The following FNBP1L variants were observed in gnomAD, a reference collection of about 807,000 sequenced individuals.
FNBP1L encodes the protein formin-binding protein 1-like.
FNBP1L carries 36 observed loss-of-function variants against 91.2 expected under a neutral mutation model. The observed-to-expected ratio is 0.39, with a 90% CI of 0.30 to 0.52. FNBP1L has a LOEUF of 0.52. Ranked by LOEUF, FNBP1L falls within the 20% of genes least tolerant of loss-of-function variation. The probability of loss-of-function intolerance (pLI) is 0.66; values close to 1 mark genes in which losing one functional copy is unlikely to be tolerated. For synonymous variants in FNBP1L, 242 were observed against 237.0 expected, an observed-to-expected ratio of 1.02 and a Z score of -0.19; for missense variants, 571 against 732.1, an observed-to-expected ratio of 0.78 and a Z score of 2.54.
At chr1:93,485,722 A>C (rs1028174151) in intron 1 of FNBP1L, among the ~76,000 whole-genome samples, 3 of 152,002 alleles carry the variant, frequency 2.0e-5, no homozygotes, top group African/African-American at 7.3e-5. Flanking sequence ...TTTGAAGTGG[A>C]GTCTCTCTCT....
intron 4 of FNBP1L, 21 bp from the exon 5 acceptor site, chr1:93,524,239 TG>T: frequency 6.9e-7 from 1 of 1,446,416 alleles, no homozygotes; most frequent in Non-Finnish European, 9.1e-7. Flanking sequence ...TTATTTTTTT[TG>T]GCCGTGGTTA....
chr1:93,521,376 T>C (rs989323685), intron 2 of FNBP1L, among the ~76,000 whole-genome samples: 5 of 152,166 alleles, frequency 3.3e-5, no homozygotes, highest in Non-Finnish European at 5.9e-5. Context: ...CATTTTACCT[T>C]AGTATTAAAG....
intron 1 of FNBP1L, among the ~76,000 whole-genome samples, chr1:93,486,303 A>C (rs1010643033): frequency 1.1e-4 from 17 of 152,194 alleles, no homozygotes; most frequent in African/African-American, 4.1e-4. Flanking sequence ...TTTGGAATTA[A>C]AAAAAATCAG....
rs1215065981 is a variant in FNBP1L, at chr1:93,552,081, G to C, written c.1811-328G>C. On this transcript the variant is annotated intron_variant, in intron 16 of 16. Coordinates refer to ENST00000271234, the MANE Select transcript of FNBP1L (RefSeq NM_001164473.3). ...ATGTGTACCGCCTTTAGGGCATTTT[G>C]TTATTTCCGCTGAATCATTAGTTAT... is the stretch of plus-strand genomic sequence containing the variant. The C allele has an allele frequency of 3.7e-6, 4 of 1,083,962 alleles. No homozygotes were observed. In the East Asian group the frequency reaches 1.7e-4, roughly 47 times the overall value. 67.1% of individuals were successfully genotyped at this position (1,083,962 alleles called of 1,614,324 possible). A position where few individuals can be genotyped will look rare whatever the true frequency, so the allele number is the denominator to read the frequency against.
intron 15 of FNBP1L, among the ~76,000 whole-genome samples, chr1:93,550,740 C>T (rs1200367953): frequency 1.3e-5 from 2 of 152,272 alleles, no homozygotes; most frequent in East Asian, 1.9e-4. Context: ...TCCAGCCCTG[C>T]GGGCTTATTA....
At chr1:93,492,227 G>A (rs1408303811) in intron 1 of FNBP1L, among the ~76,000 whole-genome samples, 2 of 152,170 alleles carry the variant, frequency 1.3e-5, no homozygotes, top group Non-Finnish European at 2.9e-5. Context: ...TCCTGAAAGA[G>A]CTTGAAAAGT....
Position 93,532,601 on chromosome 1 carries a change from T to C in FNBP1L, c.640-321T>C, listed in dbSNP as rs886704996. On this transcript the variant is annotated intron_variant, in intron 7 of 16. Coordinates refer to ENST00000271234, the MANE Select transcript of FNBP1L (RefSeq NM_001164473.3). Reference sequence around the variant, plus strand: ...GAAGCATAAACAAGAACTACTCTGATTGAATAGTAAAAGGTGGGAGTGCTA... The same window carrying C: ...GAAGCATAAACAAGAACTACTCTGACTGAATAGTAAAAGGTGGGAGTGCTA... Among the ~76,000 whole-genome samples, 4 of 151,264 alleles carry C rather than the reference T, an allele frequency of 2.6e-5. No homozygotes were observed. In the East Asian group the frequency reaches 5.8e-4, roughly 22 times the overall value.
chr1:93,550,251 C>T (rs566451649), intron 15 of FNBP1L, among the ~76,000 whole-genome samples: 7 of 152,180 alleles, frequency 4.6e-5, no homozygotes, highest in South Asian at 2.1e-4. Context: ...TGGGAGGCTG[C>T]GGTGAGAGGA....
chr1:93,480,530 A>C (rs1003943703), intron 1 of FNBP1L, among the ~76,000 whole-genome samples: 1 of 151,672 alleles, frequency 6.6e-6, no homozygotes, highest in Non-Finnish European at 1.5e-5. Flanking sequence ...GTGTCTTCCT[A>C]CTTTCTTGCT....
At chr1:93,476,884 TATTA>T (rs1669516673) in intron 1 of FNBP1L, among the ~76,000 whole-genome samples, 1 of 152,176 alleles carries the variant, frequency 6.6e-6, no homozygotes, top group Admixed American at 6.5e-5. Flanking sequence ...ACACTTACCA[TATTA>T]GTTCGTTTAA....
chr1:93,507,583 C>T (rs1470532473), intron 2 of FNBP1L, among the ~76,000 whole-genome samples: 1 of 152,132 alleles, frequency 6.6e-6, no homozygotes, highest in African/African-American at 2.4e-5. Context: ...ACTGTTTTTT[C>T]AGAAGGCCCA....
At chr1:93,462,705 C>T (rs990845388) in intron 1 of FNBP1L, among the ~76,000 whole-genome samples, 3 of 152,080 alleles carry the variant, frequency 2.0e-5, no homozygotes, top group Admixed American at 2.0e-4. Context: ...GACCATATGC[C>T]ATTTGCATTA....
intron 2 of FNBP1L, among the ~76,000 whole-genome samples, chr1:93,512,631 C>T (rs1263302845): frequency 2.7e-5 from 4 of 149,522 alleles, no homozygotes; most frequent in Admixed American, 2.7e-4. Flanking sequence ...CTCAAAACCG[C>T]TCAACTACAT....
intron 1 of FNBP1L, among the ~76,000 whole-genome samples, chr1:93,495,524 G>A (rs1670233548): frequency 6.6e-6 from 1 of 152,128 alleles, no homozygotes; most frequent in Non-Finnish European, 1.5e-5. Context: ...TTTTTATTAT[G>A]GTTAGTTTTA....
chr1:93,552,163 A>AG (rs768301157), intron 16 of FNBP1L: 353 of 1,231,670 alleles, frequency 2.9e-4, no homozygotes, highest in Non-Finnish European at 3.3e-4. Flanking sequence ...AACACTGTGC[A>AG]GTCAAGGATT....
At chr1:93,485,481 T>C (rs1479342231) in intron 1 of FNBP1L, among the ~76,000 whole-genome samples, 1 of 152,224 alleles carries the variant, frequency 6.6e-6, no homozygotes, top group Non-Finnish European at 1.5e-5. Flanking sequence ...CATACAAAGC[T>C]GACCACTAAA....
chr1:93,468,676 C>T (rs540911949), intron 1 of FNBP1L, among the ~76,000 whole-genome samples: 2 of 152,182 alleles, frequency 1.3e-5, no homozygotes, highest in South Asian at 2.1e-4. Flanking sequence ...AGCAGTCTGC[C>T]TGCCTCGGCC....
rs1164797940 is a variant in FNBP1L at position 93,538,917 on chromosome 1, T to C, written c.1150-2125T>C. Among the ~76,000 whole-genome samples the C allele has an allele frequency of 2.6e-5, 4 of 152,206 alleles. No homozygotes were observed. The East Asian group carries it at 7.7e-4, about 29-fold the overall frequency. On this transcript the variant is annotated intron_variant, in intron 10 of 16. Coordinates refer to ENST00000271234, the MANE Select transcript of FNBP1L (RefSeq NM_001164473.3). ...TACAGATCCCAGTATAAATTAAGGA[T>C]ATGAAAAATGTTTTTGAGTTTGACA...
intron 2 of FNBP1L, among the ~76,000 whole-genome samples, chr1:93,509,892 C>T (rs1242433842): frequency 3.3e-5 from 5 of 152,218 alleles, no homozygotes; most frequent in Admixed American, 1.3e-4. Flanking sequence ...CCGAATACTG[C>T]GCTTTTCCGA....
Sources: allele counts gnomAD v4.1 joint callset (sites outside exome capture counted in the v4.1 genomes callset), GRCh38; gene constraint gnomAD v4.1.1; transcripts MANE v1.5; gene names NCBI Gene and HGNC (gene_info 2026-07-23, HGNC 2026-07-21).